The following BCL2L1 variants were observed in gnomAD, a reference collection of about 807,000 sequenced individuals.
The protein encoded by BCL2L1 is bcl-2-like protein 1.
BCL2L1 carries 1 observed loss-of-function variant against 18.7 expected under a neutral mutation model. The observed-to-expected ratio is 0.05, with a 90% CI of 0.02 to 0.25. The LOEUF is 0.25. BCL2L1 is among the 10% of genes least tolerant of loss of function. BCL2L1 has a pLI of 1.00. For synonymous variants in BCL2L1, 103 were observed against 122.7 expected, an observed-to-expected ratio of 0.84 and a Z score of 1.06; for missense variants, 207 against 304.9, an observed-to-expected ratio of 0.68 and a Z score of 2.39.
Position 31,664,561 on chromosome 20 carries a change from G to A in BCL2L1, c.*1388C>T, listed in dbSNP as rs567420266. On this transcript the variant is annotated 3_prime_UTR_variant, in exon 3 of 3. Transcript: ENST00000307677. ...TGGGGTGGGGGTTGGGGGAGGGGCAGATGCCCCTCAGGAGCCAGGACCCTC... is the reference window on the plus strand; with the variant it reads ...TGGGGTGGGGGTTGGGGGAGGGGCAAATGCCCCTCAGGAGCCAGGACCCTC... The A allele has an allele frequency of 4.6e-4, 92 of 199,574 alleles. No homozygotes were observed. The highest frequency in any genetic ancestry group is 6.8e-4 in the Non-Finnish European group (65 of 96,260). 12.4% of individuals were successfully genotyped at this position (199,574 alleles called of 1,614,324 possible). A position where few individuals can be genotyped will look rare whatever the true frequency, so the allele number is the denominator to read the frequency against.
At chr20:31,709,349 A>G (rs2061416687) in intron 2 of BCL2L1, among the ~76,000 whole-genome samples, 1 of 151,760 alleles carries the variant, frequency 6.6e-6, no homozygotes. Flanking sequence ...ACGCGTGTGT[A>G]ACTAGCCTGA....
intron 2 of BCL2L1, among the ~76,000 whole-genome samples, chr20:31,696,018 A>C (rs539805312): frequency 6.6e-6 from 1 of 152,194 alleles, no homozygotes; most frequent in Admixed American, 6.5e-5. Context: ...GGGCTCAAGC[A>C]ATACTCCCAC....
chr20:31,718,109 G>A (rs879636551), intron 2 of BCL2L1, among the ~76,000 whole-genome samples: 10 of 152,160 alleles, frequency 6.6e-5, no homozygotes, highest in Non-Finnish European at 1.5e-5. Flanking sequence ...TCCTTTACTC[G>A]AGTCAAGCTA....
intron 2 of BCL2L1, among the ~76,000 whole-genome samples, chr20:31,683,676 A>ATTC (rs2060901950): frequency 6.7e-6 from 1 of 148,798 alleles, no homozygotes; most frequent in African/African-American, 2.4e-5. Flanking sequence ...GGCTGAGGCA[A>ATTC]AAGAATCGCT....
At chr20:31,720,193 G>A (rs1242890764) in intron 2 of BCL2L1, 6 of 975,132 alleles carry the variant, frequency 6.2e-6, no homozygotes, top group Middle Eastern at 5.2e-4. Context: ...TGGCACAGAC[G>A]AGTTGAAATT....
rs745800708 is a variant in BCL2L1 at position 31,721,811 on chromosome 20, G to C, written c.408C>G (p.Asn136Lys). ...AGAAAAAGGCCACAATGCGACCCCAGTTTACCCCATCCCGGAAGAGTTCAT... is the reference window on the plus strand; with the variant it reads ...AGAAAAAGGCCACAATGCGACCCCACTTTACCCCATCCCGGAAGAGTTCAT... ...VVNELFRDGV[N>K]WGRIVAFFSF... Residue 136 changes from asparagine to lysine, a missense_variant, in exon 2 of 3, where the codon AAC becomes AAG. Physicochemically the swap from Asn to Lys is moderately conservative, Grantham distance 94. Transcript: ENST00000307677. The C allele has an allele frequency of 6.2e-7, 1 of 1,614,164 alleles. No homozygotes were observed. Among genetic ancestry groups the C allele is most frequent in the Admixed American group, 1.7e-5 (1 of 60,014 alleles).
chr20:31,717,440 G>A (rs1418266302), intron 2 of BCL2L1, among the ~76,000 whole-genome samples: 1 of 152,172 alleles, frequency 6.6e-6, no homozygotes, highest in African/African-American at 2.4e-5. Flanking sequence ...GGGCTCTGTG[G>A]GGCTACTGGG....
At chr20:31,670,442 G>A (rs114067238) in intron 2 of BCL2L1, among the ~76,000 whole-genome samples, 2,804 of 152,292 alleles carry the variant, frequency 0.018, 95 homozygotes, top group African/African-American at 0.064. Context: ...CCCTTGATGG[G>A]AACTTTCCTG....
At chr20:31,710,985 C>T (rs956422003) in intron 2 of BCL2L1, among the ~76,000 whole-genome samples, 4 of 152,176 alleles carry the variant, frequency 2.6e-5, no homozygotes, top group African/African-American at 9.7e-5. Context: ...GCTTTTGCAT[C>T]AGACACATCT....
chr20:31,674,812 C>G (rs2060731254), intron 2 of BCL2L1, among the ~76,000 whole-genome samples: 1 of 147,906 alleles, frequency 6.8e-6, no homozygotes, highest in Admixed American at 6.8e-5. Context: ...GAGGTTGAAA[C>G]TGCAGTGAGC....
chr20:31,723,616 G>A (rs1229846329), upstream of BCL2L1: 3 of 985,372 alleles, frequency 3.0e-6, no homozygotes, highest in Non-Finnish European at 3.6e-6. Context: ...GAGGGGCCTC[G>A]CCCCCGGCGG....
At chr20:31,686,054 A>G (rs145748187) in intron 2 of BCL2L1, among the ~76,000 whole-genome samples, 22 of 152,318 alleles carry the variant, frequency 1.4e-4, no homozygotes, top group African/African-American at 5.3e-4. Flanking sequence ...GTCCTTGAAA[A>G]TTAACACGTT....
chr20:31,689,439 A>G (rs940598755), intron 2 of BCL2L1, among the ~76,000 whole-genome samples: 5 of 150,320 alleles, frequency 3.3e-5, no homozygotes, highest in African/African-American at 1.2e-4. Flanking sequence ...AAAAAAAGAA[A>G]AAAAAAAAGA....
chr20:31,722,476 CT>C, intron 1 of BCL2L1, 128 bp from the exon 2 acceptor site: 1 of 335,208 alleles, frequency 3.0e-6, no homozygotes. Flanking sequence ...AGATACTTCA[CT>C]TAAGTCAAAT....
intron 2 of BCL2L1, 36 bp from the exon 3 acceptor site, chr20:31,666,122 C>T (rs1250716220): frequency 6.2e-7 from 1 of 1,611,278 alleles, no homozygotes; most frequent in Non-Finnish European, 8.5e-7. Flanking sequence ...AGTTTTAGTC[C>T]TCAGAGAGTG....
Position 31,721,901 on chromosome 20 carries a change from A to G in BCL2L1, c.318T>C (p.Ser106=). The stretch of plus-strand genomic sequence containing the variant: ...TGATGTGGAGCTGGGATGTCAGGTC[A>G]CTGAATGCCCGCCGGTACCGCAGTT... ...EFELRYRRAF[S]DLTSQLHITP... is the part of the protein sequence containing the mutation. The change falls in exon 2 of 3, where the codon AGT becomes AGC. Residue 106 remains serine (S), a synonymous_variant. Transcript: ENST00000307677. The G allele has an allele frequency of 1.2e-6, 2 of 1,614,186 alleles. No homozygotes were observed. Among genetic ancestry groups the G allele is most frequent in the Non-Finnish European group, 1.7e-6 (2 of 1,180,012 alleles).
At chr20:31,680,772 G>C (rs1342501271) in intron 2 of BCL2L1, among the ~76,000 whole-genome samples, 1 of 152,188 alleles carries the variant, frequency 6.6e-6, no homozygotes, top group East Asian at 1.9e-4. Context: ...GTACCTGTAT[G>C]AGTTTATAAT....
chr20:31,713,597 G>A (rs969811047), intron 2 of BCL2L1: 76 of 985,208 alleles, frequency 7.7e-5, no homozygotes, highest in African/African-American at 1.0e-4. Context: ...AGCTTGGCCC[G>A]AGAGTCTCAT....
At chr20:31,683,829 A>G (rs1371750181) in intron 2 of BCL2L1, among the ~76,000 whole-genome samples, 1 of 147,398 alleles carries the variant, frequency 6.8e-6, no homozygotes, top group Non-Finnish European at 1.5e-5. Flanking sequence ...TCATGAAGGC[A>G]GGTATCCCCA....
Sources: gnomAD v4.1 joint callset for allele counts (sites outside exome capture counted in the v4.1 genomes callset) on GRCh38, gnomAD v4.1.1 for gene constraint, MANE v1.5 for transcripts, NCBI Gene and HGNC (gene_info 2026-07-23, HGNC 2026-07-21) for gene names.